The following SH3TC1 variants were observed in gnomAD, a reference collection of about 807,000 sequenced individuals.
The protein encoded by SH3TC1 is SH3 domain and tetratricopeptide repeats 1, also known as SH3 domain and tetratricopeptide repeat-containing protein 1.
Under a neutral mutation model 117.3 loss-of-function variants are expected in SH3TC1, and 135 were observed. The ratio of observed to expected loss-of-function variants is 1.15; its 90% CI spans 1.00 to 1.33. SH3TC1 has a LOEUF of 1.33. Ranked by LOEUF, SH3TC1 falls within the 40% of genes most tolerant of loss-of-function variation. The pLI is 0.00. For missense variants in SH3TC1, 2,092 were observed against 1,794.3 expected (o/e 1.17, Z -3.00); for synonymous variants, 898 against 816.9 (o/e 1.10, Z -1.69).
chr4:8,218,766 T>A (rs1215860371), intron 8 of SH3TC1, among the ~76,000 whole-genome samples: 1 of 152,262 alleles, frequency 6.6e-6, no homozygotes, highest in Non-Finnish European at 1.5e-5. Context: ...TGGCTGAATT[T>A]GCCACGTGCA....
chr4:8,194,021 G>A (rs902073525), intron 1 of SH3TC1, among the ~76,000 whole-genome samples: 2 of 152,228 alleles, frequency 1.3e-5, no homozygotes, highest in South Asian at 2.1e-4. Context: ...CCGTGCGGGA[G>A]GTAGAAGGCA....
intron 1 of SH3TC1, among the ~76,000 whole-genome samples, chr4:8,188,929 C>T (rs74445382): frequency 0.029 from 4,459 of 152,334 alleles, 97 homozygotes; most frequent in African/African-American, 0.057. Context: ...CAGATCCTGC[C>T]GGGCACTGCT....
chr4:8,225,418 G>A lies in SH3TC1; in HGVS notation c.1285+202G>A, dbSNP rs1241306395. Among the ~76,000 whole-genome samples the A allele has an allele frequency of 1.3e-5, 2 of 152,102 alleles. No homozygotes were observed. The highest frequency in any genetic ancestry group is 2.4e-5 in the African/African-American group (1 of 41,402). On this transcript the variant is annotated intron_variant, in intron 11 of 17. Transcript: ENST00000245105. The surrounding 1 kb of genome is among the most constrained non-coding windows in gnomAD (Gnocchi z 5.5). ...GTGGCACTGGAGGCCGTGGGGTCCC[G>A]CACTTCTTCCAATGAACATGCTGGC...
At chr4:8,187,638 G>T (rs965630293) in intron 1 of SH3TC1, among the ~76,000 whole-genome samples, 1 of 149,932 alleles carries the variant, frequency 6.7e-6, no homozygotes, top group Non-Finnish European at 1.5e-5. Context: ...TGCAACTTCC[G>T]CCTTCTGGGT....
chr4:8,214,314 A>G (rs767322001), intron 4 of SH3TC1, among the ~76,000 whole-genome samples, 161 bp from the exon 5 acceptor site: 2 of 152,174 alleles, frequency 1.3e-5, no homozygotes, highest in African/African-American at 2.4e-5. Flanking sequence ...GCTTGAGAGC[A>G]GGGGAGGAGC....
intron 13 of SH3TC1, chr4:8,233,149 G>A (rs1482965516): frequency 1.4e-6 from 2 of 1,380,916 alleles, no homozygotes; most frequent in African/African-American, 1.5e-5. Context: ...GCAGCATGAT[G>A]CCCAGTTCCC....
chr4:8,215,998 G>A, intron 5 of SH3TC1, 113 bp from the exon 6 acceptor site: 1 of 1,309,362 alleles, frequency 7.6e-7, no homozygotes, highest in Non-Finnish European at 1.0e-6. Context: ...TGTCTTCCAT[G>A]GTCTCCCTGG....
chr4:8,187,904 G>A (rs1345292105), intron 1 of SH3TC1, among the ~76,000 whole-genome samples: 3 of 152,088 alleles, frequency 2.0e-5, no homozygotes, highest in Non-Finnish European at 4.4e-5. Flanking sequence ...CCTGTGTTTT[G>A]TTGCTCACTT....
At chr4:8,219,078 AG>A (rs1484498265) in intron 8 of SH3TC1, among the ~76,000 whole-genome samples, 5 of 152,142 alleles carry the variant, frequency 3.3e-5, no homozygotes, top group Non-Finnish European at 7.4e-5. Flanking sequence ...TTGGCCTTGG[AG>A]GCTGATGGCC....
At chr4:8,236,817 T>G in intron 16 of SH3TC1, 6 of 180,806 alleles carry the variant, frequency 3.3e-5, no homozygotes, top group Non-Finnish European at 3.4e-5. Flanking sequence ...GAAGTCCCAG[T>G]TCCCCTTCCA....
At chr4:8,202,634 T>A (rs1717913019) in intron 1 of SH3TC1, among the ~76,000 whole-genome samples, 1 of 144,116 alleles carries the variant, frequency 6.9e-6, no homozygotes, top group Non-Finnish European at 1.5e-5. Flanking sequence ...GAAGGTGGGG[T>A]GCCGGGGCAC....
intron 1 of SH3TC1, among the ~76,000 whole-genome samples, chr4:8,193,699 A>G (rs1473195461): frequency 1.3e-5 from 2 of 152,176 alleles, no homozygotes; most frequent in African/African-American, 4.8e-5. Context: ...CACAAAGCAG[A>G]GCTGAGATGG....
intron 16 of SH3TC1, 84 bp from the exon 17 acceptor site, chr4:8,237,390 G>T (rs1195937981): frequency 8.1e-7 from 1 of 1,229,508 alleles, no homozygotes. Context: ...GCAGTGCCTG[G>T]AGGCGAGCCA....
At chr4:8,240,049 G>T (rs1184933644) in intron 17 of SH3TC1, among the ~76,000 whole-genome samples, 2 of 152,194 alleles carry the variant, frequency 1.3e-5, no homozygotes, top group Admixed American at 6.5e-5. Context: ...TTGGGTCTTA[G>T]AGAGGTCCCT....
Position 8,200,148 on chromosome 4 carries a change from C to T in SH3TC1, c.-29+743C>T, listed in dbSNP as rs376132397. 2.6e-4 allele frequency among the ~76,000 whole-genome samples: 40 copies of T among 152,344 alleles called. No individual in the cohort carries two copies. The East Asian group carries it at 3.5e-3, about 13-fold the overall frequency. ...TCAGATGAGATGAATAGCAAAGTGACGCTGGGGGGTGTTAGCGGTGTCGGC... is the reference window on the plus strand; with the variant it reads ...TCAGATGAGATGAATAGCAAAGTGATGCTGGGGGGTGTTAGCGGTGTCGGC... On this transcript the variant is annotated intron_variant, in intron 1 of 17. Transcript: ENST00000245105.
chr4:8,240,976 G>A lies in SH3TC1; in HGVS notation c.*21G>A, dbSNP rs765321125. Reference sequence around the variant, plus strand: ...GCTGAGGACAGCATCCAAGGGAGTGGGTTTTGTGCAAGGGCTGGGGGTCTC... The same window carrying A: ...GCTGAGGACAGCATCCAAGGGAGTGAGTTTTGTGCAAGGGCTGGGGGTCTC... On this transcript the variant is annotated 3_prime_UTR_variant, in exon 18 of 18. Coordinates refer to ENST00000245105, the MANE Select transcript of SH3TC1 (RefSeq NM_018986.5). The A allele has an allele frequency of 2.5e-6, 4 of 1,602,734 alleles. No individual in the cohort carries two copies. Among genetic ancestry groups the A allele is most frequent in the Middle Eastern group, 1.7e-4 (1 of 6,010 alleles).
chr4:8,235,991 C>G (rs771200205), intron 15 of SH3TC1: 33 of 462,856 alleles, frequency 7.1e-5, no homozygotes, highest in Non-Finnish European at 1.2e-4. Flanking sequence ...AGATAAATGT[C>G]GTGTTTTTAG....
At position 8,216,238 on chromosome 4, in the gene SH3TC1, G is replaced by C. The variant is rs145544836; in HGVS notation, c.609G>C (p.Glu203Asp). Residue 203 changes from glutamate to aspartate, a missense_variant, in exon 6 of 18, where the codon GAG becomes GAC. Glu to Asp is a conservative substitution (Grantham distance 45, BLOSUM62 2). Transcript: ENST00000245105. ...VDENALRLTH[E>D]SLLIQEGPFF... Reference sequence around the variant, plus strand: ...AGAACGCCTTAAGGCTGACCCACGAGAGCCTCCTCATCCAAGAAGGTGAGC... The same window carrying C: ...AGAACGCCTTAAGGCTGACCCACGACAGCCTCCTCATCCAAGAAGGTGAGC... The C allele has an allele frequency of 1.9e-6, 3 of 1,613,664 alleles. No individual in the cohort carries two copies. In the African/African-American group the frequency reaches 4.0e-5, roughly 21 times the overall value.
At chr4:8,228,677 G>C in intron 12 of SH3TC1, 33 bp downstream of exon 12, 2 of 1,412,862 alleles carry the variant, frequency 1.4e-6, no homozygotes, top group Non-Finnish European at 9.3e-7. Context: ...TGTGCCTTCC[G>C]GGGCCACTCG....
Sources: gnomAD v4.1 joint callset for allele counts (sites outside exome capture counted in the v4.1 genomes callset) on GRCh38, gnomAD v4.1.1 for gene constraint, Gnocchi (gnomAD v3.1) non-coding constraint, MANE v1.5 for transcripts, NCBI Gene and HGNC (gene_info 2026-07-23, HGNC 2026-07-21) for gene names.